Variants in SYT3 observed in about 807,000 individuals in gnomAD.
SYT3 encodes synaptotagmin 3.
Under a neutral mutation model 50.6 loss-of-function variants are expected in SYT3, and 25 were observed. That is an observed-to-expected ratio of 0.49 (90% CI 0.36 to 0.69). The LOEUF is 0.69. SYT3 is among the 30% of genes least tolerant of loss of function. SYT3 has a pLI of 0.00. For synonymous variants in SYT3, 323 were observed against 353.9 expected (o/e 0.91, Z 0.98); for missense variants, 589 against 793.6 (o/e 0.74, Z 3.10).
the SYT3 span, among the ~76,000 whole-genome samples, chr19:50,651,735 C>T: frequency 6.6e-6 from 1 of 151,674 alleles, no homozygotes; most frequent in Non-Finnish European, 1.5e-5. Flanking sequence ...GAAATGGTTG[C>T]ATTTCCTCAA....
the SYT3 span, among the ~76,000 whole-genome samples, chr19:50,647,712 G>A: frequency 6.6e-6 from 1 of 152,112 alleles, no homozygotes; most frequent in East Asian, 1.9e-4. Context: ...GGTCCCAGCA[G>A]GAGAGGACGA....
Position 50,639,296 on chromosome 19 carries a change from T to G in SYT3, c.-153-134A>C, listed in dbSNP as rs1204516338. 1 of 152,138 alleles carries G rather than the reference T, an allele frequency of 6.6e-6. No individual in the cohort carries two copies. The highest frequency in any genetic ancestry group is 1.5e-5 in the Non-Finnish European group (1 of 68,048). 9.4% of individuals were successfully genotyped at this position (152,138 alleles called of 1,614,324 possible). A position where few individuals can be genotyped will look rare whatever the true frequency, so the allele number is the denominator to read the frequency against. ...CGGGCCCCCAGCTCCCGTTGAGGGC[T>G]TAGAGACTACAATTCCCGGCAGGTC... On this transcript the variant is annotated intron_variant, in intron 1 of 10. Coordinates refer to ENST00000600079, the MANE Select transcript of SYT3 (RefSeq NM_001160329.2). This position sits in a 1 kb window ranked among gnomAD's most constrained non-coding sequence, Gnocchi z 4.6.
chr19:50,630,647 T>G lies in SYT3; in HGVS notation c.675-476A>C, dbSNP rs955751918. Among the ~76,000 whole-genome samples the G allele has an allele frequency of 2.0e-5, 3 of 152,076 alleles. No individual in the cohort carries two copies. In the East Asian group the frequency reaches 5.8e-4, roughly 29 times the overall value. ...CATGTTGGTCAGGCTGGTCTTAAAC[T>G]CCTGACCTCAGATGATCTGCCCGCC... On this transcript the variant is annotated intron_variant, in intron 4 of 10. Coordinates refer to ENST00000600079, the MANE Select transcript of SYT3 (RefSeq NM_001160329.2).
At chr19:50,634,270 G>A (rs902030800) in intron 3 of SYT3, among the ~76,000 whole-genome samples, 8 of 152,212 alleles carry the variant, frequency 5.3e-5, no homozygotes, top group Admixed American at 2.0e-4. Context: ...CAGACAGTGG[G>A]TTATGGTGGG....
chr19:50,649,526 C>CT, the SYT3 span: 32 of 1,535,936 alleles, frequency 2.1e-5, no homozygotes, highest in Non-Finnish European at 2.8e-5. Context: ...TGAGCTGTGT[C>CT]TTTGGGGGAA....
chr19:50,648,880 G>C, the SYT3 span, among the ~76,000 whole-genome samples: 1 of 151,922 alleles, frequency 6.6e-6, no homozygotes, highest in South Asian at 2.1e-4. Context: ...GGGGGCAGTG[G>C]AGGCAGCTAG....
At chr19:50,642,792 C>CCAT (rs1984701599), upstream of SYT3, among the ~76,000 whole-genome samples, 1 of 152,268 alleles carries the variant, frequency 6.6e-6, no homozygotes, top group Admixed American at 6.5e-5. Context: ...CAAGATCATG[C>CCAT]CATTGCACTC....
chr19:50,656,002 T>A, the SYT3 span: 1 of 1,520,180 alleles, frequency 6.6e-7, no homozygotes, highest in Non-Finnish European at 8.8e-7. Context: ...AGCAGAATCA[T>A]GGCTGAGGAG....
intron 3 of SYT3, among the ~76,000 whole-genome samples, chr19:50,634,835 C>T (rs1984442781): frequency 1.3e-5 from 2 of 152,068 alleles, no homozygotes; most frequent in Non-Finnish European, 2.9e-5. Context: ...TCCACCTCGG[C>T]TTCCCAAAGT....
chr19:50,625,932 G>GAGGC lies in SYT3; in HGVS notation c.1363_1366dup (p.Ser456CysfsTer3). The stretch of plus-strand genomic sequence containing the variant: ...AGTGAGGTCCATCGCTTTGAGGTTA[G>GAGGC]AGGCTTTGATGATGGTCACGGTGAG... On this transcript the variant is annotated frameshift_variant, in exon 7 of 11. Transcript: ENST00000600079. LOFTEE classifies it high-confidence loss of function. The surrounding 1 kb of genome is among the most constrained non-coding windows in gnomAD (Gnocchi z 7.5). 1 of 1,614,174 alleles carries GAGGC rather than the reference G, an allele frequency of 6.2e-7. No homozygotes were observed. Among genetic ancestry groups the GAGGC allele is most frequent in the Non-Finnish European group, 8.5e-7 (1 of 1,180,022 alleles).
intron 9 of SYT3, among the ~76,000 whole-genome samples, chr19:50,623,887 A>T (rs891604796): frequency 2.0e-5 from 3 of 152,150 alleles, no homozygotes. Context: ...AAAATATCAA[A>T]TTTTTAAAAA....
rs1983884333 is a variant in SYT3 at position 50,622,421 on chromosome 19, T to C, written c.*64A>G. ...TGGCTTCAAGGAGATGAATTCACGG[T>C]CCGGGCAGGAAAGGATGGGGTCCTG... is the stretch of plus-strand genomic sequence containing the variant. On this transcript the variant is annotated 3_prime_UTR_variant, in exon 11 of 11. Coordinates refer to ENST00000600079, the MANE Select transcript of SYT3 (RefSeq NM_001160329.2). 3.9e-6 allele frequency: 1 copy of C among 257,026 alleles called. No individual in the cohort carries two copies. Among genetic ancestry groups the C allele is most frequent in the African/African-American group, 2.3e-5 (1 of 44,306 alleles). The allele number at this position is 257,026 out of a possible 1,614,324, so 15.9% of individuals were successfully genotyped here. A position where few individuals can be genotyped will look rare whatever the true frequency, so the allele number is the denominator to read the frequency against.
upstream of SYT3, among the ~76,000 whole-genome samples, chr19:50,643,341 C>T (rs937551462): frequency 1.3e-5 from 2 of 151,936 alleles, no homozygotes; most frequent in Admixed American, 1.3e-4. Context: ...CCCAGAGTCC[C>T]GTCCTTGTGC....
the SYT3 span, among the ~76,000 whole-genome samples, chr19:50,653,811 A>C: frequency 1.4e-5 from 2 of 147,860 alleles, no homozygotes; most frequent in East Asian, 4.0e-4. Context: ...GACTTTGGGG[A>C]GGGTTCACGG....
At chr19:50,623,560 T>C (rs538659901) in intron 9 of SYT3, among the ~76,000 whole-genome samples, 97 of 7,268 alleles carry the variant, frequency 0.013, no homozygotes, top group Admixed American at 0.031. Context: ...GGTGGATCAC[T>C]TGAGGTGGGA....
chr19:50,636,326 A>G (rs1390846591), intron 3 of SYT3, among the ~76,000 whole-genome samples: 1 of 152,226 alleles, frequency 6.6e-6, no homozygotes, highest in Non-Finnish European at 1.5e-5. Flanking sequence ...CTAGCAAATC[A>G]TTGAACCTGA....
At chr19:50,640,411 C>T (rs1984640787), upstream of SYT3, among the ~76,000 whole-genome samples, 1 of 152,224 alleles carries the variant, frequency 6.6e-6, no homozygotes, top group Non-Finnish European at 1.5e-5. Context: ...AACATTGGTA[C>T]CAACTAGGTA....
At chr19:50,622,948 GTC>G (rs1983904778) in intron 9 of SYT3, among the ~76,000 whole-genome samples, 193 bp from the exon 10 acceptor site, 1 of 139,826 alleles carries the variant, frequency 7.2e-6, no homozygotes, top group African/African-American at 2.7e-5. Context: ...AAAAAGAGGA[GTC>G]TCTGCAAATG....
upstream of SYT3, among the ~76,000 whole-genome samples, chr19:50,644,721 A>G (rs569956402): frequency 7.9e-5 from 12 of 152,050 alleles, no homozygotes; most frequent in Non-Finnish European, 1.3e-4. Context: ...TGGATGCTGC[A>G]GAAATAAATA....
Sources: allele counts gnomAD v4.1 joint callset (sites outside exome capture counted in the v4.1 genomes callset), GRCh38; gene constraint gnomAD v4.1.1; non-coding constraint Gnocchi (gnomAD v3.1); transcripts MANE v1.5; gene names NCBI Gene and HGNC (gene_info 2026-07-23, HGNC 2026-07-21).